Variants in ADCY2 observed in about 807,000 individuals in gnomAD.
ADCY2 encodes adenylate cyclase 2.
A neutral mutation model predicts 125.2 loss-of-function variants in ADCY2; 31 were observed. That is an observed-to-expected ratio of 0.25 (90% CI 0.19 to 0.33). ADCY2 has a LOEUF of 0.33. Among genes scored for constraint, ADCY2 ranks in the 10% least tolerant of loss-of-function variants. The pLI is 1.00. For missense variants in ADCY2, 904 were observed against 1,418.2 expected (o/e 0.64, Z 5.82); for synonymous variants, 512 against 548.4 (o/e 0.93, Z 0.93).
intron 2 of ADCY2, among the ~76,000 whole-genome samples, chr5:7,447,172 C>T (rs942350548): frequency 1.5e-5 from 2 of 136,194 alleles, no homozygotes; most frequent in African/African-American, 5.3e-5. Flanking sequence ...TACTCAGAAG[C>T]TTGTTCTGGG....
At chr5:7,785,956 GATAA>G (rs1377623873) in intron 19 of ADCY2, among the ~76,000 whole-genome samples, 1 of 152,148 alleles carries the variant, frequency 6.6e-6, no homozygotes, top group Non-Finnish European at 1.5e-5. Flanking sequence ...CTCTAATTAA[GATAA>G]ATAATCAAAA....
intron 14 of ADCY2, among the ~76,000 whole-genome samples, chr5:7,737,063 A>G (rs1742270828): frequency 6.6e-6 from 1 of 152,198 alleles, no homozygotes; most frequent in Non-Finnish European, 1.5e-5. Context: ...TCACTGTTAC[A>G]GTTCTTCCCT....
At chr5:7,411,813 C>G (rs987362873) in intron 1 of ADCY2, among the ~76,000 whole-genome samples, 1 of 152,046 alleles carries the variant, frequency 6.6e-6, no homozygotes, top group Non-Finnish European at 1.5e-5. Flanking sequence ...CGGTGGCTCA[C>G]GCCTGTAATC....
intron 4 of ADCY2, among the ~76,000 whole-genome samples, chr5:7,655,444 C>A (rs2126686468): frequency 6.6e-6 from 1 of 152,284 alleles, no homozygotes; most frequent in East Asian, 1.9e-4. Flanking sequence ...GCCTGAACGT[C>A]CAGGATGTAA....
At chr5:7,757,401 A>G (rs1332905678) in intron 15 of ADCY2, 48 bp from the exon 16 acceptor site, 13 of 1,596,022 alleles carry the variant, frequency 8.1e-6, no homozygotes, top group Non-Finnish European at 1.0e-5. Context: ...AACTGGAGAG[A>G]AGTCATCAGC....
chr5:7,824,381 C>T (rs971153155), intron 24 of ADCY2, among the ~76,000 whole-genome samples: 7 of 152,234 alleles, frequency 4.6e-5, no homozygotes, highest in South Asian at 2.1e-4. Context: ...GCGGGTGGTT[C>T]GGCATTATGA....
chr5:7,581,819 C>CAAAAAAAAAAAA (rs59841590), intron 3 of ADCY2, among the ~76,000 whole-genome samples: 1 of 123,780 alleles, frequency 8.1e-6, no homozygotes, highest in African/African-American at 3.1e-5. Context: ...GACTCAGTCT[C>CAAAAAAAAAAAA]AAAAAAAAAA....
intron 4 of ADCY2, among the ~76,000 whole-genome samples, chr5:7,669,316 G>A (rs1739857071): frequency 6.6e-6 from 1 of 152,210 alleles, no homozygotes; most frequent in South Asian, 2.1e-4. Flanking sequence ...AGGTGTGTGA[G>A]TCTAAGCAGG....
intron 2 of ADCY2, among the ~76,000 whole-genome samples, chr5:7,441,342 A>G (rs1481378409): frequency 6.6e-6 from 1 of 152,202 alleles, no homozygotes; most frequent in Non-Finnish European, 1.5e-5. Flanking sequence ...ACAAGTATCA[A>G]TTAATGCCTT....
Position 7,772,947 on chromosome 5 carries a change from T to C in ADCY2, c.2230T>C (p.Cys744Arg), listed in dbSNP as rs758823142. 1 of 1,614,160 alleles carries C rather than the reference T, an allele frequency of 6.2e-7. No individual in the cohort carries two copies. Among genetic ancestry groups the C allele is most frequent in the Non-Finnish European group, 8.5e-7 (1 of 1,180,010 alleles). Reference protein sequence around the residue: ...LFFLPYFIYSCILGLISCSVF... With the variant: ...LFFLPYFIYSRILGLISCSVF... ...CCTGTTTCAGTACTTTATCTACAGC[T>C]GCATTCTGGGACTGATATCCTGTTC... is the stretch of plus-strand genomic sequence containing the variant. Residue 744 changes from cysteine (C) to arginine (R), a missense_variant, in exon 18 of 25, where the codon TGC (cysteine) becomes CGC (arginine). By Grantham distance (180) the Cys-to-Arg change is radical (BLOSUM62 -3). Around this residue, in one of 7 missense-constraint regions of ADCY2, gnomAD observed 221 missense variants for 246.2 expected, o/e 0.90. Transcript: ENST00000338316.
At chr5:7,518,332 G>T (rs1294389478) in intron 2 of ADCY2, among the ~76,000 whole-genome samples, 1 of 152,050 alleles carries the variant, frequency 6.6e-6, no homozygotes, top group Non-Finnish European at 1.5e-5. Context: ...TGTAGATAGA[G>T]CATCGCTTAC....
chr5:7,627,974 G>T (rs1184218441), intron 4 of ADCY2, among the ~76,000 whole-genome samples: 2 of 152,126 alleles, frequency 1.3e-5, no homozygotes, highest in Non-Finnish European at 2.9e-5. Flanking sequence ...TTGTTTGTTT[G>T]TTTGTTCTAG....
chr5:7,772,333 T>C (rs1743581405), intron 17 of ADCY2, among the ~76,000 whole-genome samples: 1 of 152,206 alleles, frequency 6.6e-6, no homozygotes, highest in African/African-American at 2.4e-5. Context: ...CGCCACTTGG[T>C]TCGTCCGCTT....
chr5:7,502,306 C>T (rs375701788), intron 2 of ADCY2, among the ~76,000 whole-genome samples: 119 of 152,228 alleles, frequency 7.8e-4, no homozygotes, highest in African/African-American at 2.6e-3. Flanking sequence ...TGTTCCCCAC[C>T]GAGCCCCACA....
At chr5:7,650,199 A>G (rs1190280460) in intron 4 of ADCY2, among the ~76,000 whole-genome samples, 2 of 144,554 alleles carry the variant, frequency 1.4e-5, no homozygotes, top group Non-Finnish European at 3.0e-5. Flanking sequence ...TTTGGTCACA[A>G]GTCCACGTGC....
chr5:7,487,533 C>T (rs1025891899), intron 2 of ADCY2, among the ~76,000 whole-genome samples: 1 of 152,214 alleles, frequency 6.6e-6, no homozygotes, highest in African/African-American at 2.4e-5. Flanking sequence ...CAGAGCCTGA[C>T]AGAGTCTAAC....
intron 16 of ADCY2, among the ~76,000 whole-genome samples, chr5:7,760,191 A>T (rs1218089760): frequency 6.6e-6 from 1 of 152,256 alleles, no homozygotes; most frequent in Admixed American, 6.5e-5. Context: ...TGCCAGAAGC[A>T]TGAGTGTGTT....
chr5:7,729,104 T>C (rs1742018486), intron 14 of ADCY2, among the ~76,000 whole-genome samples: 2 of 152,218 alleles, frequency 1.3e-5, no homozygotes, highest in African/African-American at 2.4e-5. Context: ...CCTCATCTAA[T>C]GGAGTCCCCA....
intron 12 of ADCY2, 26 bp from the exon 13 acceptor site, chr5:7,724,519 G>A: frequency 6.4e-7 from 1 of 1,572,786 alleles, no homozygotes; most frequent in Non-Finnish European, 8.7e-7. Flanking sequence ...TCAGTTTTAT[G>A]ATGTGTTGGC....
Sources: gnomAD v4.1 joint callset for allele counts (sites outside exome capture counted in the v4.1 genomes callset) on GRCh38, gnomAD v4.1.1 for gene constraint, gnomAD v4.1.1 regional missense constraint, MANE v1.5 for transcripts, NCBI Gene and HGNC (gene_info 2026-07-23, HGNC 2026-07-21) for gene names.